The following TMEM63C variants were observed in gnomAD, a reference collection of about 807,000 sequenced individuals.
The protein encoded by TMEM63C is osmosensitive cation channel TMEM63C.
TMEM63C carries 32 observed loss-of-function variants against 99.2 expected under a neutral mutation model. The ratio of observed to expected loss-of-function variants is 0.32; its 90% CI spans 0.24 to 0.43. TMEM63C has a LOEUF of 0.43. Among genes scored for constraint, TMEM63C ranks in the 20% least tolerant of loss-of-function variants. The pLI is 1.00. For missense variants in TMEM63C, 826 were observed against 1,053.0 expected, an observed-to-expected ratio of 0.78 and a Z score of 2.98; for synonymous variants, 376 against 397.9, an observed-to-expected ratio of 0.94 and a Z score of 0.66.
At chr14:77,188,057 G>A (rs936466536) in intron 1 of TMEM63C, among the ~76,000 whole-genome samples, 6 of 152,090 alleles carry the variant, frequency 3.9e-5, no homozygotes, top group African/African-American at 9.7e-5. Flanking sequence ...CAAATCAAAC[G>A]TGCCCTGGAC....
chr14:77,256,457 G>A (rs2140135941), intron 23 of TMEM63C, 69 bp from the exon 24 acceptor site: 3 of 1,494,256 alleles, frequency 2.0e-6, no homozygotes, highest in Non-Finnish European at 1.9e-6. Flanking sequence ...GGCATGAGGG[G>A]AGAGGGTGTG....
Position 77,237,004 on chromosome 14 carries a change from C to T in TMEM63C, c.651+272C>T, listed in dbSNP as rs542906259. Among the ~76,000 whole-genome samples the T allele has an allele frequency of 8.9e-4, 133 of 149,860 alleles. 1 individual carries two copies. The highest frequency in any genetic ancestry group is 2.2e-3 in the South Asian group (10 of 4,610). ...TCCTCCACCCTCTCACCCTCCTCCA[C>T]GCTGCTCCACCCTCTCACGCTCCTC... On this transcript the variant is annotated intron_variant, in intron 9 of 23. Transcript: ENST00000298351.
chr14:77,230,386 C>T (rs1249055471), intron 6 of TMEM63C, among the ~76,000 whole-genome samples: 2 of 152,118 alleles, frequency 1.3e-5, no homozygotes, highest in Non-Finnish European at 2.9e-5. Context: ...TTTGAAACCA[C>T]ACAGTATGTG....
rs1351973598 is a variant in TMEM63C at position 77,237,747 on chromosome 14, G to A, written c.652-947G>A. Among the ~76,000 whole-genome samples, 6 of 123,648 alleles carry A rather than the reference G, an allele frequency of 4.9e-5. No individual in the cohort carries two copies. The Admixed American group carries it at 5.5e-4, about 11-fold the overall frequency. The allele number at this position is 123,648 out of a possible 152,430, so 81.1% of individuals were successfully genotyped here. ...CATGCTGCAGGTGTTGGTGTGCAGAGATGACTGACGGGGGGCCACGGGCAG... is the reference window on the plus strand; with the variant it reads ...CATGCTGCAGGTGTTGGTGTGCAGAAATGACTGACGGGGGGCCACGGGCAG... On this transcript the variant is annotated intron_variant, in intron 9 of 23. Coordinates refer to ENST00000298351, the MANE Select transcript of TMEM63C (RefSeq NM_020431.4).
At chr14:77,191,526 TTTTTTCTTTTTC>T (rs1943205234) in intron 1 of TMEM63C, among the ~76,000 whole-genome samples, 2 of 137,902 alleles carry the variant, frequency 1.5e-5, no homozygotes, top group South Asian at 2.2e-4. Context: ...CTTTCTTTTC[TTTTTTCTTTTTC>T]TTTTTTTTTT....
At chr14:77,242,299 C>T (rs2140126690) in intron 13 of TMEM63C, 48 bp from the exon 14 acceptor site, 9 of 1,540,140 alleles carry the variant, frequency 5.8e-6, no homozygotes, top group Non-Finnish European at 7.1e-6. Context: ...CTAAGCCCAT[C>T]CCCCCACCCC....
intron 1 of TMEM63C, among the ~76,000 whole-genome samples, chr14:77,209,506 A>G (rs1888459707): frequency 6.6e-6 from 1 of 152,192 alleles, no homozygotes; most frequent in South Asian, 2.1e-4. Context: ...TATAAGAGAA[A>G]GATATGGTCC....
intron 1 of TMEM63C, among the ~76,000 whole-genome samples, chr14:77,203,373 C>A (rs1888335535): frequency 8.3e-6 from 1 of 121,036 alleles, no homozygotes; most frequent in African/African-American, 3.1e-5. Flanking sequence ...AAGAGCGAAA[C>A]TCCATCTTGA....
intron 3 of TMEM63C, among the ~76,000 whole-genome samples, chr14:77,219,296 C>A (rs1888647699): frequency 6.6e-6 from 1 of 152,204 alleles, no homozygotes; most frequent in Non-Finnish European, 1.5e-5. Context: ...CTCTGAGCAT[C>A]CACTCTGTGC....
At chr14:77,237,814 G>T (rs1320926964) in intron 9 of TMEM63C, among the ~76,000 whole-genome samples, 1 of 152,236 alleles carries the variant, frequency 6.6e-6, no homozygotes, top group Admixed American at 6.5e-5. Flanking sequence ...CCCATGCTCT[G>T]CTGGGGATGG....
intron 1 of TMEM63C, among the ~76,000 whole-genome samples, chr14:77,196,966 C>T (rs1888225929): frequency 6.6e-6 from 1 of 152,188 alleles, no homozygotes; most frequent in African/African-American, 2.4e-5. Context: ...CTCCTCCCCA[C>T]TTTGCAAAAG....
chr14:77,233,388 G>T, intron 7 of TMEM63C, 64 bp from the exon 8 acceptor site: 1 of 1,562,270 alleles, frequency 6.4e-7, no homozygotes, highest in Non-Finnish European at 8.7e-7. Flanking sequence ...CAGGAACCTT[G>T]AATTCTGGCG....
intron 2 of TMEM63C, among the ~76,000 whole-genome samples, chr14:77,218,382 G>A (rs1410800428): frequency 6.6e-6 from 1 of 152,190 alleles, no homozygotes; most frequent in Admixed American, 6.5e-5. Context: ...CTGCATGGGC[G>A]TTCCGTGAAC....
intron 2 of TMEM63C, among the ~76,000 whole-genome samples, chr14:77,216,775 T>C (rs1229367161): frequency 6.6e-6 from 1 of 152,078 alleles, no homozygotes; most frequent in African/African-American, 2.4e-5. Context: ...ACTGCGCCCA[T>C]CCCAGTCCAG....
intron 15 of TMEM63C, 65 bp downstream of exon 15, chr14:77,243,121 A>G: frequency 6.3e-7 from 1 of 1,586,246 alleles, no homozygotes; most frequent in South Asian, 1.1e-5. Flanking sequence ...TCAGGCGAGG[A>G]TGGGATGGGG....
At chr14:77,227,381 T>C (rs896754097) in intron 6 of TMEM63C, among the ~76,000 whole-genome samples, 1 of 151,654 alleles carries the variant, frequency 6.6e-6, no homozygotes, top group African/African-American at 2.4e-5. Flanking sequence ...GAGGGAGAAA[T>C]TGAGGTCTGG....
intron 1 of TMEM63C, among the ~76,000 whole-genome samples, chr14:77,190,192 A>AT (rs1888079483): frequency 6.6e-6 from 1 of 152,100 alleles, no homozygotes; most frequent in African/African-American, 2.4e-5. Flanking sequence ...GAAACTGATG[A>AT]TTTTTTGGGA....
At chr14:77,186,015 G>C (rs1055393980) in intron 1 of TMEM63C, among the ~76,000 whole-genome samples, 2 of 150,990 alleles carry the variant, frequency 1.3e-5, no homozygotes, top group African/African-American at 4.9e-5. Context: ...TTTTGTTGTT[G>C]TTGTTTTTTT....
chr14:77,252,188 T>C (rs1049536569), intron 22 of TMEM63C, among the ~76,000 whole-genome samples: 6 of 152,078 alleles, frequency 3.9e-5, no homozygotes, highest in African/African-American at 1.4e-4. Flanking sequence ...GCTGCTGCGA[T>C]GTGAGTCCAG....
Sources: allele counts gnomAD v4.1 joint callset (sites outside exome capture counted in the v4.1 genomes callset), GRCh38; gene constraint gnomAD v4.1.1; transcripts MANE v1.5; gene names NCBI Gene and HGNC (gene_info 2026-07-23, HGNC 2026-07-21).